The following FHIT variants were observed in gnomAD, a reference collection of about 807,000 sequenced individuals.
The protein encoded by FHIT is fragile histidine triad diadenosine triphosphatase.
A neutral mutation model predicts 17.9 loss-of-function variants in FHIT; 19 were observed. That is an observed-to-expected ratio of 1.06 (90% CI 0.74 to 1.56). FHIT has a LOEUF of 1.56. Ranked by LOEUF, FHIT falls within the 40% of genes most tolerant of loss-of-function variation. The pLI is 0.00. For synonymous variants in FHIT, 81 were observed against 69.7 expected, an observed-to-expected ratio of 1.16 and a Z score of -0.81; for missense variants, 248 against 189.2, an observed-to-expected ratio of 1.31 and a Z score of -1.82.
chr3:60,811,874 A>G (rs1701580435), intron 4 of FHIT, among the ~76,000 whole-genome samples: 1 of 152,204 alleles, frequency 6.6e-6, no homozygotes, highest in Admixed American at 6.5e-5. Flanking sequence ...GAATATTTTC[A>G]AAATCAGCCA....
intron 5 of FHIT, among the ~76,000 whole-genome samples, chr3:60,018,116 G>T (rs984106259): frequency 2.0e-5 from 3 of 152,216 alleles, no homozygotes; most frequent in African/African-American, 7.2e-5. Flanking sequence ...ATTTGGTGGA[G>T]GCCTCAAGAT....
At chr3:60,201,981 G>A (rs1702932307) in intron 5 of FHIT, among the ~76,000 whole-genome samples, 1 of 152,138 alleles carries the variant, frequency 6.6e-6, no homozygotes, top group South Asian at 2.1e-4. Context: ...GCCTGTCCCA[G>A]GATTGCCCAC....
At chr3:60,114,921 T>G (rs1285250382) in intron 5 of FHIT, among the ~76,000 whole-genome samples, 1 of 152,150 alleles carries the variant, frequency 6.6e-6, no homozygotes, top group African/African-American at 2.4e-5. Context: ...GAAAAGCCGC[T>G]GTCTGATAAA....
chr3:61,020,749 C>T (rs1188686963), intron 3 of FHIT, among the ~76,000 whole-genome samples: 3 of 151,966 alleles, frequency 2.0e-5, no homozygotes, highest in Non-Finnish European at 4.4e-5. Context: ...AGTCATGACC[C>T]GTGGGTGTGC....
chr3:59,916,093 T>G (rs1203705756), intron 8 of FHIT, among the ~76,000 whole-genome samples: 1 of 152,046 alleles, frequency 6.6e-6, no homozygotes, highest in Admixed American at 6.6e-5. Flanking sequence ...TTTGAGTCAG[T>G]GGACTGGGAG....
intron 1 of FHIT, among the ~76,000 whole-genome samples, chr3:61,213,519 A>T (rs1413682818): frequency 6.6e-6 from 1 of 152,208 alleles, no homozygotes; most frequent in Non-Finnish European, 1.5e-5. Flanking sequence ...GTCCTGAGTG[A>T]CCTACAAAGA....
At chr3:60,644,488 G>A (rs2039805590) in intron 4 of FHIT, among the ~76,000 whole-genome samples, 1 of 152,144 alleles carries the variant, frequency 6.6e-6, no homozygotes, top group Non-Finnish European at 1.5e-5. Flanking sequence ...ATGTACCTAG[G>A]AGTTTTGTAG....
intron 5 of FHIT, among the ~76,000 whole-genome samples, chr3:60,428,492 T>C (rs1387324129): frequency 6.6e-6 from 1 of 152,164 alleles, no homozygotes; most frequent in Non-Finnish European, 1.5e-5. Flanking sequence ...ACGTTTTGAG[T>C]CTGCATCCAG....
intron 5 of FHIT, among the ~76,000 whole-genome samples, chr3:60,358,956 T>C (rs79446715): frequency 0.037 from 5,697 of 152,288 alleles, 156 homozygotes; most frequent in Non-Finnish European, 0.058. Flanking sequence ...TTTTTCTTTG[T>C]CTATAGGAGG....
intron 4 of FHIT, among the ~76,000 whole-genome samples, chr3:60,820,123 C>T (rs1194424250): frequency 6.6e-6 from 1 of 152,022 alleles, no homozygotes; most frequent in Admixed American, 6.6e-5. Flanking sequence ...GCCTGGCCAA[C>T]ACGGTAAAAC....
intron 3 of FHIT, among the ~76,000 whole-genome samples, chr3:60,998,089 A>G (rs1396805293): frequency 2.0e-5 from 3 of 152,306 alleles, no homozygotes; most frequent in East Asian, 3.9e-4. Flanking sequence ...ATTTGCCCCA[A>G]CACCAAATGC....
At chr3:60,038,027 T>C (rs1256712284) in intron 5 of FHIT, among the ~76,000 whole-genome samples, 1 of 152,110 alleles carries the variant, frequency 6.6e-6, no homozygotes, top group Non-Finnish European at 1.5e-5. Flanking sequence ...GAGCTACTTC[T>C]ATACTGAGAA....
In FHIT at chr3:60,255,867, C is replaced by CA. The variant is rs998392578; in HGVS notation, c.104-241716dup. 5.9e-4 allele frequency among the ~76,000 whole-genome samples: 88 copies of CA among 149,406 alleles called. 1 individual carries two copies. The highest frequency in any genetic ancestry group is 1.7e-3 in the African/African-American group (69 of 40,304). ...GAGACTCCATCTCAAAAAACAAAAACAAAAAAAAACAAACAACAAACTGGT... is the reference window on the plus strand; with the variant it reads ...GAGACTCCATCTCAAAAAACAAAAACAAAAAAAAAACAAACAACAAACTGGT... On this transcript the variant is annotated intron_variant, in intron 5 of 9. Transcript: ENST00000492590.
intron 4 of FHIT, among the ~76,000 whole-genome samples, chr3:60,663,901 T>C (rs1235813384): frequency 1.3e-5 from 2 of 152,222 alleles, no homozygotes; most frequent in African/African-American, 4.8e-5. Flanking sequence ...TTTGTTGTTG[T>C]AGATTTCTAG....
At chr3:61,023,518 G>T (rs2032570757) in intron 3 of FHIT, among the ~76,000 whole-genome samples, 1 of 152,086 alleles carries the variant, frequency 6.6e-6, no homozygotes, top group Non-Finnish European at 1.5e-5. Context: ...AACCAAAAAA[G>T]AGCTCATATA....
intron 5 of FHIT, among the ~76,000 whole-genome samples, chr3:60,253,274 C>T (rs1705819924): frequency 6.6e-6 from 1 of 152,150 alleles, no homozygotes; most frequent in African/African-American, 2.4e-5. Flanking sequence ...AAAGGAAGAT[C>T]TGTCATGATA....
At chr3:59,772,874 A>C (rs1214148600) in intron 8 of FHIT, among the ~76,000 whole-genome samples, 5 of 152,142 alleles carry the variant, frequency 3.3e-5, no homozygotes, top group Non-Finnish European at 7.4e-5. Flanking sequence ...CAGCAGCCTC[A>C]TGTAGGAAGT....
At chr3:59,868,959 G>A (rs1011901442) in intron 8 of FHIT, among the ~76,000 whole-genome samples, 1 of 152,190 alleles carries the variant, frequency 6.6e-6, no homozygotes, top group South Asian at 2.1e-4. Flanking sequence ...CCAAGGGACA[G>A]TGTAGCTTAA....
At chr3:60,468,606 T>G (rs950540982) in intron 5 of FHIT, among the ~76,000 whole-genome samples, 1 of 152,096 alleles carries the variant, frequency 6.6e-6, no homozygotes, top group African/African-American at 2.4e-5. Flanking sequence ...CTTTTTAACT[T>G]TTTGTTGTTT....
Sources: allele counts gnomAD v4.1 joint callset (sites outside exome capture counted in the v4.1 genomes callset), GRCh38; gene constraint gnomAD v4.1.1; transcripts MANE v1.5; gene names NCBI Gene and HGNC (gene_info 2026-07-23, HGNC 2026-07-21).